Variants in RYR2 observed in about 807,000 individuals in gnomAD.
RYR2 encodes the protein cardiac muscle ryanodine receptor-calcium release channel.
In RYR2, 227 loss-of-function variants were observed where a neutral mutation model predicts 601.1. The observed-to-expected ratio is 0.38, with a 90% CI of 0.34 to 0.42. The LOEUF (loss-of-function observed/expected upper bound fraction) is 0.42, where lower values mean the gene tolerates loss of function less well. Ranked by LOEUF, RYR2 falls within the 10% of genes least tolerant of loss-of-function variation. The pLI, the probability that RYR2 is intolerant of heterozygous loss-of-function variation, is 1.00. For missense variants in RYR2, 4,646 were observed against 6,156.5 expected (o/e 0.75, Z 8.21); for synonymous variants, 2,223 against 2,175.1 (o/e 1.02, Z -0.61).
chr1:237,310,427 A>C (rs1694429229), intron 2 of RYR2, among the ~76,000 whole-genome samples: 1 of 152,232 alleles, frequency 6.6e-6, no homozygotes, highest in Admixed American at 6.5e-5. Context: ...TACAGATAAA[A>C]GGTTAAATAT....
Position 237,832,684 on chromosome 1 carries a change from C to T in RYR2, c.*37C>T. 1.6e-6 allele frequency: 2 copies of T among 1,215,972 alleles called. No individual in the cohort carries two copies. The highest frequency in any genetic ancestry group is 1.8e-5 in the Admixed American group (1 of 56,124). 75.3% of individuals were successfully genotyped at this position (1,215,972 alleles called of 1,614,324 possible). A position where few individuals can be genotyped will look rare whatever the true frequency, so the allele number is the denominator to read the frequency against. ...ATCACCTCTAAAAACCAAAACCCTA[C>T]CCCTCTCTCTCCCTCTCTCAATTTC... On this transcript the variant is annotated 3_prime_UTR_variant, in exon 105 of 105. Transcript: ENST00000366574.
At chr1:237,345,843 A>C (rs1698257582) in intron 3 of RYR2, among the ~76,000 whole-genome samples, 1 of 151,890 alleles carries the variant, frequency 6.6e-6, no homozygotes, top group East Asian at 1.9e-4. Context: ...TTTTCCCCTG[A>C]CCCCCAAATT....
chr1:237,611,401 A>G (rs1216626538), intron 36 of RYR2, among the ~76,000 whole-genome samples: 2 of 152,224 alleles, frequency 1.3e-5, no homozygotes, highest in Non-Finnish European at 2.9e-5. Context: ...TTCATTTTAT[A>G]GATGTAAAAA....
chr1:237,596,841 A>T (rs1675943857), intron 34 of RYR2, among the ~76,000 whole-genome samples: 1 of 152,226 alleles, frequency 6.6e-6, no homozygotes, highest in Non-Finnish European at 1.5e-5. Flanking sequence ...AAGGCTAGGG[A>T]AATGAGATAT....
At chr1:237,081,398 G>C (rs986788185) in intron 1 of RYR2, among the ~76,000 whole-genome samples, 1 of 151,762 alleles carries the variant, frequency 6.6e-6, no homozygotes, top group African/African-American at 2.4e-5. Flanking sequence ...CCCTTGTATG[G>C]GTACCCATGG....
In RYR2 at chr1:237,707,061, G is replaced by A. The variant is rs748858246; in HGVS notation, c.9693G>A (p.Met3231Ile). ...LAESGIRYTQ[M>I]PHVMEVILPM... is the part of the protein sequence containing the mutation. ...AGTCCGGCATTCGCTACACTCAAAT[G>A]CCACATGTCATGGAAGTCATACTGC... Residue 3231 changes from methionine to isoleucine, a missense_variant, in exon 68 of 105, where the codon ATG becomes ATA. Met to Ile is a conservative substitution (Grantham distance 10). This residue lies in a region of RYR2 where 1,497 missense variants were observed against 1,842.6 expected (regional missense o/e 0.81). Coordinates refer to ENST00000366574, the MANE Select transcript of RYR2 (RefSeq NM_001035.3). The A allele has an allele frequency of 6.2e-7, 1 of 1,613,890 alleles. No homozygotes were observed. The highest frequency in any genetic ancestry group is 1.7e-5 in the Admixed American group (1 of 60,004).
chr1:237,164,398 G>A (rs1676402137), intron 1 of RYR2, among the ~76,000 whole-genome samples: 1 of 152,246 alleles, frequency 6.6e-6, no homozygotes, highest in Non-Finnish European at 1.5e-5. Context: ...GTGCCCAGCT[G>A]TAGACGTGGT....
chr1:237,142,693 G>T (rs1048231947), intron 1 of RYR2, among the ~76,000 whole-genome samples: 4 of 152,168 alleles, frequency 2.6e-5, no homozygotes, highest in Admixed American at 2.6e-4. Flanking sequence ...GATCTCGTCC[G>T]CACTGTGAGC....
intron 90 of RYR2, among the ~76,000 whole-genome samples, chr1:237,785,431 T>C (rs1160938940): frequency 6.6e-6 from 1 of 152,198 alleles, no homozygotes; most frequent in Non-Finnish European, 1.5e-5. Context: ...TCCAAGTGTC[T>C]GACAGACACC....
At chr1:237,517,055 G>A (rs1012162972) in intron 24 of RYR2, among the ~76,000 whole-genome samples, 1 of 152,154 alleles carries the variant, frequency 6.6e-6, no homozygotes, top group African/African-American at 2.4e-5. Flanking sequence ...GTGTGTGCAT[G>A]GCCCAGACAA....
At chr1:237,818,916 A>G (rs1245838824) in intron 100 of RYR2, 120 bp from the exon 101 acceptor site, 2 of 837,952 alleles carry the variant, frequency 2.4e-6, no homozygotes, top group South Asian at 2.0e-5. Flanking sequence ...GAGGCAATAT[A>G]GAATGCAAAA....
intron 1 of RYR2, among the ~76,000 whole-genome samples, chr1:237,094,018 T>C (rs1444032951): frequency 6.6e-6 from 1 of 152,190 alleles, no homozygotes; most frequent in Non-Finnish European, 1.5e-5. Context: ...GGCAGGCAGC[T>C]GGGAGAGCAG....
chr1:237,297,654 T>C (rs11802494), intron 2 of RYR2, among the ~76,000 whole-genome samples: 14,915 of 151,932 alleles, frequency 0.098, 1,447 homozygotes, highest in African/African-American at 0.24. Flanking sequence ...GCAACTCACA[T>C]TGAGAGTTTC....
intron 2 of RYR2, among the ~76,000 whole-genome samples, chr1:237,320,583 C>G (rs947244023): frequency 2.6e-5 from 4 of 152,152 alleles, no homozygotes; most frequent in African/African-American, 9.7e-5. Context: ...AGTTTCAGTT[C>G]CATATAACAT....
chr1:237,799,923 T>TATAAC (rs1659751385), intron 97 of RYR2: 1 of 152,170 alleles, frequency 6.6e-6, no homozygotes, highest in Non-Finnish European at 1.5e-5. Context: ...AAAACTCACC[T>TATAAC]TCCTGGTTAT....
chr1:237,827,763 C>T (rs1180839677), intron 101 of RYR2, among the ~76,000 whole-genome samples: 1 of 151,548 alleles, frequency 6.6e-6, no homozygotes, highest in East Asian at 1.9e-4. Flanking sequence ...ACGGTGAAAC[C>T]CTGTCTCTCC....
At chr1:237,822,305 A>G (rs1662600487) in intron 101 of RYR2, among the ~76,000 whole-genome samples, 1 of 152,210 alleles carries the variant, frequency 6.6e-6, no homozygotes, top group African/African-American at 2.4e-5. Flanking sequence ...GACAAAGGGA[A>G]GCACATCAGA....
chr1:237,775,412 A>G (rs1694586595), intron 87 of RYR2, among the ~76,000 whole-genome samples: 1 of 152,180 alleles, frequency 6.6e-6, no homozygotes, highest in African/African-American at 2.4e-5. Context: ...CCAAGTTACC[A>G]CATTACATCT....
intron 29 of RYR2, among the ~76,000 whole-genome samples, chr1:237,573,956 T>C (rs1672968869): frequency 6.6e-6 from 1 of 152,132 alleles, no homozygotes; most frequent in South Asian, 2.1e-4. Context: ...TGGTCTCTGG[T>C]AGAAGGAGCA....
Sources: allele counts gnomAD v4.1 joint callset (sites outside exome capture counted in the v4.1 genomes callset), GRCh38; gene constraint gnomAD v4.1.1; regional missense constraint gnomAD v4.1.1; transcripts MANE v1.5; gene names NCBI Gene and HGNC (gene_info 2026-07-23, HGNC 2026-07-21).